The following DLG2 variants were observed in gnomAD, a reference collection of about 807,000 sequenced individuals.
The protein encoded by DLG2 is disks large homolog 2.
In DLG2, 45 loss-of-function variants were observed where a neutral mutation model predicts 132.5. That is an observed-to-expected ratio of 0.34 (90% confidence interval 0.27 to 0.44). DLG2 has a LOEUF of 0.44. DLG2 is among the 20% of genes least tolerant of loss of function. The probability of loss-of-function intolerance (pLI) is 1.00; values close to 1 mark genes in which losing one functional copy is unlikely to be tolerated. For synonymous variants in DLG2, 424 were observed against 419.6 expected (o/e 1.01, Z -0.13); for missense variants, 1,045 against 1,196.9 (o/e 0.87, Z 1.87).
chr11:84,241,230 T>C (rs897536639), intron 8 of DLG2, among the ~76,000 whole-genome samples: 2 of 152,340 alleles, frequency 1.3e-5, no homozygotes, highest in African/African-American at 4.8e-5. Flanking sequence ...AGTAAAAATG[T>C]GCAGGGTTTC....
At chr11:85,422,652 G>C (rs1275690973) in intron 3 of DLG2, among the ~76,000 whole-genome samples, 1 of 151,862 alleles carries the variant, frequency 6.6e-6, no homozygotes, top group Non-Finnish European at 1.5e-5. Context: ...CACCACATCT[G>C]GCTGATTTTT....
intron 18 of DLG2, among the ~76,000 whole-genome samples, chr11:83,653,887 T>A (rs2153525616): frequency 6.6e-6 from 1 of 152,206 alleles, no homozygotes; most frequent in South Asian, 2.1e-4. Context: ...CACACCTAGC[T>A]AATATTTTTT....
intron 7 of DLG2, among the ~76,000 whole-genome samples, chr11:84,288,596 T>C (rs896445882): frequency 3.9e-5 from 6 of 152,162 alleles, no homozygotes; most frequent in Non-Finnish European, 7.4e-5. Context: ...ATTAAAAGCA[T>C]TGATCTCCAG....
intron 7 of DLG2, among the ~76,000 whole-genome samples, chr11:84,395,560 G>A (rs2098808076): frequency 6.6e-6 from 1 of 152,120 alleles, no homozygotes; most frequent in Non-Finnish European, 1.5e-5. Context: ...TGGGACTACA[G>A]ATGCACACCA....
chr11:84,708,867 G>A (rs2060064047), intron 6 of DLG2, among the ~76,000 whole-genome samples: 1 of 151,834 alleles, frequency 6.6e-6, no homozygotes, highest in Non-Finnish European at 1.5e-5. Flanking sequence ...AGAATCCCAA[G>A]GAGCATTTCT....
intron 12 of DLG2, among the ~76,000 whole-genome samples, chr11:83,971,981 ACT>A (rs1365261671): frequency 2.0e-5 from 3 of 152,156 alleles, no homozygotes; most frequent in Admixed American, 2.0e-4. Context: ...AGCAAAATTA[ACT>A]CTAAATGAGC....
chr11:83,562,530 A>G (rs977801810), intron 19 of DLG2, among the ~76,000 whole-genome samples: 94 of 152,202 alleles, frequency 6.2e-4, no homozygotes, highest in African/African-American at 2.2e-3. Flanking sequence ...ATACAAGGCT[A>G]TAATTGATAA....
intron 16 of DLG2, among the ~76,000 whole-genome samples, chr11:83,852,590 A>T (rs1156995228): frequency 6.6e-6 from 1 of 152,230 alleles, no homozygotes; most frequent in Non-Finnish European, 1.5e-5. Flanking sequence ...GGAAATACAA[A>T]CATCTTACTA....
chr11:85,278,080 C>G (rs1277102962), intron 4 of DLG2, among the ~76,000 whole-genome samples: 1 of 152,162 alleles, frequency 6.6e-6, no homozygotes, highest in Non-Finnish European at 1.5e-5. Context: ...TCTCAGCTCC[C>G]CACCTACTAA....
chr11:83,661,725 G>T (rs139958364), intron 18 of DLG2, among the ~76,000 whole-genome samples: 207 of 152,124 alleles, frequency 1.4e-3, no homozygotes, highest in African/African-American at 4.8e-3. Context: ...TTTTACCCTG[G>T]ACTCCAAAGG....
intron 6 of DLG2, among the ~76,000 whole-genome samples, chr11:84,773,884 A>G (rs1264048647): frequency 6.6e-6 from 1 of 152,116 alleles, no homozygotes; most frequent in African/African-American, 2.4e-5. Flanking sequence ...GAACAAGACA[A>G]GGATGCCCAC....
At chr11:83,957,230 A>T (rs1432733646) in intron 14 of DLG2, among the ~76,000 whole-genome samples, 1 of 152,252 alleles carries the variant, frequency 6.6e-6, no homozygotes, top group African/African-American at 2.4e-5. Flanking sequence ...GCTTCTAACC[A>T]GTTCTAATCC....
chr11:85,524,743 C>T (rs1441403378), intron 3 of DLG2, among the ~76,000 whole-genome samples: 2 of 152,168 alleles, frequency 1.3e-5, no homozygotes, highest in African/African-American at 2.4e-5. Context: ...GTCCTCCAAC[C>T]TCAGCCTTCC....
intron 7 of DLG2, among the ~76,000 whole-genome samples, chr11:84,447,292 G>A (rs571964052): frequency 1.3e-5 from 2 of 152,176 alleles, no homozygotes; most frequent in Admixed American, 6.5e-5. Flanking sequence ...GAGTAGTTCT[G>A]GCACATAGCC....
intron 4 of DLG2, among the ~76,000 whole-genome samples, chr11:85,228,171 T>C (rs2075086929): frequency 6.6e-6 from 1 of 152,076 alleles, no homozygotes; most frequent in Admixed American, 6.6e-5. Context: ...ATCTTAGGCC[T>C]AGAATAGTAG....
intron 8 of DLG2, among the ~76,000 whole-genome samples, chr11:84,245,440 A>T (rs1325032046): frequency 1.3e-5 from 2 of 152,008 alleles, no homozygotes; most frequent in Non-Finnish European, 1.5e-5. Flanking sequence ...CTAAGGACCC[A>T]CTCATATTCT....
intron 7 of DLG2, among the ~76,000 whole-genome samples, chr11:84,315,113 G>T (rs2098340656): frequency 1.3e-5 from 2 of 152,032 alleles, no homozygotes; most frequent in African/African-American, 4.8e-5. Context: ...ACCTCAATTT[G>T]TTGCCTTCTT....
intron 11 of DLG2, among the ~76,000 whole-genome samples, chr11:84,054,409 G>C (rs1271796373): frequency 6.6e-6 from 1 of 151,954 alleles, no homozygotes; most frequent in African/African-American, 2.4e-5. Context: ...AGCCTAAATG[G>C]ATTTGCCTAA....
At chr11:83,787,507 G>C (rs1287357709) in intron 17 of DLG2, among the ~76,000 whole-genome samples, 1 of 151,596 alleles carries the variant, frequency 6.6e-6, no homozygotes, top group Non-Finnish European at 1.5e-5. Context: ...ATTTTCAGTA[G>C]AGACGGGGTT....
Sources: gnomAD v4.1 joint callset for allele counts (sites outside exome capture counted in the v4.1 genomes callset) on GRCh38, gnomAD v4.1.1 for gene constraint, MANE v1.5 for transcripts, NCBI Gene and HGNC (gene_info 2026-07-23, HGNC 2026-07-21) for gene names.